HS3ST4: variants seen among roughly 807,000 people sequenced by gnomAD.
HS3ST4 encodes the protein heparan sulfate-glucosamine 3-sulfotransferase 4.
In HS3ST4, 17 loss-of-function variants were observed where a neutral mutation model predicts 29.2. The observed-to-expected ratio is 0.58, with a 90% confidence interval of 0.40 to 0.87. The LOEUF is 0.87. HS3ST4 is among the 40% of genes least tolerant of loss of function. The pLI is 0.00. For missense variants in HS3ST4, 627 were observed against 634.5 expected (o/e 0.99, Z 0.13); for synonymous variants, 314 against 285.7 (o/e 1.10, Z -1.00).
At chr16:25,851,822 C>G (rs1967524847) in intron 1 of HS3ST4, among the ~76,000 whole-genome samples, 1 of 151,684 alleles carries the variant, frequency 6.6e-6, no homozygotes, top group Non-Finnish European at 1.5e-5. Context: ...TTCTATTGTT[C>G]AATTTTGACG....
intron 1 of HS3ST4, among the ~76,000 whole-genome samples, chr16:26,082,623 G>A (rs752160953): frequency 3.5e-4 from 53 of 152,248 alleles, no homozygotes; most frequent in Admixed American, 1.2e-3. Context: ...GAAATTAGGC[G>A]TGGTCATGTG....
At chr16:26,053,487 G>A (rs1409342151) in intron 1 of HS3ST4, among the ~76,000 whole-genome samples, 2 of 152,186 alleles carry the variant, frequency 1.3e-5, no homozygotes, top group East Asian at 3.9e-4. Context: ...TCCTGATGGA[G>A]AATTTCAGAA....
At chr16:25,964,047 T>C (rs4787791) in intron 1 of HS3ST4, among the ~76,000 whole-genome samples, 32,669 of 151,718 alleles carry the variant, frequency 0.22, 4,065 homozygotes, top group African/African-American at 0.34. Context: ...TGGTGGTGGA[T>C]GCCTGTAATC....
chr16:26,075,118 G>A (rs998802312), intron 1 of HS3ST4, among the ~76,000 whole-genome samples: 4 of 152,294 alleles, frequency 2.6e-5, no homozygotes, highest in East Asian at 1.9e-4. Context: ...GCTTGAACCC[G>A]GGAGGCAGAG....
chr16:25,711,301 C>A (rs1193944816), intron 1 of HS3ST4, among the ~76,000 whole-genome samples: 1 of 152,070 alleles, frequency 6.6e-6, no homozygotes, highest in African/African-American at 2.4e-5. Context: ...CATGACTTAG[C>A]TACCCCTTCC....
At chr16:26,102,578 G>C (rs4527024) in intron 1 of HS3ST4, among the ~76,000 whole-genome samples, 60,786 of 151,890 alleles carry the variant, frequency 0.4, 12,629 homozygotes, top group Non-Finnish European at 0.45. Context: ...TCTTTATCCC[G>C]TTCAAGATCG....
chr16:25,945,755 C>G (rs536851759), intron 1 of HS3ST4, among the ~76,000 whole-genome samples: 9 of 152,264 alleles, frequency 5.9e-5, no homozygotes, highest in African/African-American at 2.2e-4. Context: ...GCCCATTTTC[C>G]AAAACTCAGT....
chr16:25,914,637 G>T (rs1258354268), intron 1 of HS3ST4, among the ~76,000 whole-genome samples: 2 of 151,486 alleles, frequency 1.3e-5, no homozygotes, highest in African/African-American at 2.4e-5. Context: ...TGGTGTGTGT[G>T]TGTGTGTGCA....
chr16:25,961,431 TG>T, intron 1 of HS3ST4, among the ~76,000 whole-genome samples: 1 of 152,356 alleles, frequency 6.6e-6, no homozygotes, highest in South Asian at 2.1e-4. Context: ...TCTCCACTCA[TG>T]TAGATTCACA....
intron 1 of HS3ST4, among the ~76,000 whole-genome samples, chr16:25,871,768 G>T (rs1034528871): frequency 1.3e-5 from 2 of 152,074 alleles, no homozygotes; most frequent in African/African-American, 2.4e-5. Context: ...CTATCTTACT[G>T]GGTACTCTCA....
At chr16:25,829,450 A>G (rs1051896889) in intron 1 of HS3ST4, among the ~76,000 whole-genome samples, 2 of 152,194 alleles carry the variant, frequency 1.3e-5, no homozygotes, top group Admixed American at 6.5e-5. Flanking sequence ...ACATGTGCAG[A>G]ATGTGCAGGT....
intron 1 of HS3ST4, among the ~76,000 whole-genome samples, chr16:25,729,456 G>A (rs1301007799): frequency 1.3e-5 from 2 of 152,182 alleles, no homozygotes; most frequent in Non-Finnish European, 2.9e-5. Flanking sequence ...CTGGTGCCTG[G>A]ATCCCCATCC....
chr16:25,944,059 C>T (rs1224386737), intron 1 of HS3ST4, among the ~76,000 whole-genome samples: 1 of 152,104 alleles, frequency 6.6e-6, no homozygotes, highest in Non-Finnish European at 1.5e-5. Flanking sequence ...TTTCCTCCTC[C>T]TCCCCTCCCC....
rs1966477453 is a variant in HS3ST4, at chr16:25,719,305, G to A, written c.734+26154G>A. Among the ~76,000 whole-genome samples the A allele has an allele frequency of 2.0e-5, 3 of 152,352 alleles. No individual in the cohort carries two copies. In the South Asian group the frequency reaches 6.2e-4, roughly 32 times the overall value. On this transcript the variant is annotated intron_variant, in intron 1 of 1. Coordinates refer to ENST00000331351, the MANE Select transcript of HS3ST4 (RefSeq NM_006040.3). Reference sequence around the variant, plus strand: ...TTCTTTACCAGGTGTTGTACGAGATGCCAGGGAGATGGTAAATAATAAGGC... The same window carrying A: ...TTCTTTACCAGGTGTTGTACGAGATACCAGGGAGATGGTAAATAATAAGGC...
rs116307933 is a variant in HS3ST4 at position 25,817,311 on chromosome 16, C to A, written c.734+124160C>A. 2.8e-3 allele frequency among the ~76,000 whole-genome samples: 429 copies of A among 152,286 alleles called. 2 individuals carry two copies. The highest frequency in any genetic ancestry group is 1.0e-2 in the African/African-American group (414 of 41,540). On this transcript the variant is annotated intron_variant, in intron 1 of 1. Transcript: ENST00000331351. ...GCTGTGGTTTCAGAACGCCACTACT[C>A]CAAGATTCTTGGACAGACTAGTACA...
chr16:25,887,676 C>T (rs962998484), intron 1 of HS3ST4, among the ~76,000 whole-genome samples: 11 of 149,304 alleles, frequency 7.4e-5, no homozygotes, highest in Non-Finnish European at 1.2e-4. Flanking sequence ...GCATCCCTAG[C>T]GCCCGCTACA....
intron 1 of HS3ST4, among the ~76,000 whole-genome samples, chr16:25,758,628 A>C (rs915672440): frequency 6.6e-6 from 1 of 152,166 alleles, no homozygotes; most frequent in African/African-American, 2.4e-5. Context: ...ACAGCCACCT[A>C]TGCTGCCTCT....
chr16:26,121,447 GCT>G (rs1899275956), intron 1 of HS3ST4, among the ~76,000 whole-genome samples: 1 of 152,216 alleles, frequency 6.6e-6, no homozygotes, highest in African/African-American at 2.4e-5. Flanking sequence ...TGTCTTTATT[GCT>G]CTGAGGCTCA....
At chr16:25,884,186 G>A (rs934720667) in intron 1 of HS3ST4, among the ~76,000 whole-genome samples, 3 of 152,132 alleles carry the variant, frequency 2.0e-5, no homozygotes, top group African/African-American at 7.2e-5. Context: ...AGTGGAGGGT[G>A]CATAGAGAAG....
Sources: gnomAD v4.1 joint callset for allele counts (sites outside exome capture counted in the v4.1 genomes callset) on GRCh38, gnomAD v4.1.1 for gene constraint, MANE v1.5 for transcripts, NCBI Gene and HGNC (gene_info 2026-07-23, HGNC 2026-07-21) for gene names.